The following CEP63 variants were observed in gnomAD, a reference collection of about 807,000 sequenced individuals.
The protein encoded by CEP63 is centrosomal protein 63, also known as centrosomal protein of 63 kDa.
A neutral mutation model predicts 89.1 loss-of-function variants in CEP63; 84 were observed. The observed-to-expected ratio is 0.94, with a 90% CI of 0.79 to 1.13. The LOEUF is 1.13. CEP63 is among the 50% of genes most tolerant of loss of function. CEP63 has a pLI of 0.00. For missense variants in CEP63, 838 were observed against 813.3 expected (o/e 1.03, Z -0.37); for synonymous variants, 267 against 272.5 (o/e 0.98, Z 0.20).
At chr3:134,558,998 G>T in intron 13 of CEP63, 152 bp from the exon 14 acceptor site, 1 of 728,044 alleles carries the variant, frequency 1.4e-6, no homozygotes. Flanking sequence ...CTGAATGAAT[G>T]AAAGAAATCT....
the CEP63 span, among the ~76,000 whole-genome samples, chr3:134,617,292 G>A: frequency 2.0e-5 from 3 of 152,220 alleles, no homozygotes; most frequent in Non-Finnish European, 4.4e-5. Context: ...ATGGAGCTAA[G>A]AGACTTGTGG....
intron 6 of CEP63, among the ~76,000 whole-genome samples, chr3:134,545,230 C>T (rs1274216628): frequency 6.6e-6 from 1 of 152,090 alleles, no homozygotes; most frequent in Non-Finnish European, 1.5e-5. Flanking sequence ...ATCTCCTGAC[C>T]TCATGATCCG....
chr3:134,604,480 G>A, the CEP63 span: 4 of 1,597,530 alleles, frequency 2.5e-6, no homozygotes, highest in Non-Finnish European at 3.4e-6. Context: ...ATTCACTGAG[G>A]AGAGAAAGTC....
chr3:134,660,141 G>A, the CEP63 span, among the ~76,000 whole-genome samples: 1 of 152,236 alleles, frequency 6.6e-6, no homozygotes, highest in Non-Finnish European at 1.5e-5. Context: ...TGAGGTCAGG[G>A]TGATTATGCA....
At chr3:134,661,106 A>G in the CEP63 span, among the ~76,000 whole-genome samples, 1 of 152,196 alleles carries the variant, frequency 6.6e-6, no homozygotes, top group Non-Finnish European at 1.5e-5. Flanking sequence ...TTGGGAGTGA[A>G]AACATTTTAG....
the CEP63 span, among the ~76,000 whole-genome samples, chr3:134,652,723 A>G: frequency 1.8e-4 from 27 of 152,174 alleles, no homozygotes; most frequent in Admixed American, 6.5e-4. Flanking sequence ...AGTAAGAACT[A>G]TGCATTATGC....
intron 3 of CEP63, chr3:134,510,581 C>T: frequency 3.4e-6 from 2 of 579,978 alleles, no homozygotes; most frequent in Non-Finnish European, 6.2e-6. Flanking sequence ...ATTTGGGGCA[C>T]AACTTACTGT....
chr3:134,554,769 T>C (rs1334076395), intron 12 of CEP63, among the ~76,000 whole-genome samples: 3 of 152,202 alleles, frequency 2.0e-5, no homozygotes, highest in Non-Finnish European at 2.9e-5. Context: ...TTTTAATGAC[T>C]GCCATTCTAA....
chr3:134,749,214 G>A, the CEP63 span, among the ~76,000 whole-genome samples: 1 of 152,214 alleles, frequency 6.6e-6, no homozygotes, highest in African/African-American at 2.4e-5. Context: ...AAATTGTTGG[G>A]CCTTCCCCAA....
the CEP63 span, among the ~76,000 whole-genome samples, chr3:134,646,375 G>A: frequency 4.6e-5 from 7 of 152,234 alleles, no homozygotes; most frequent in East Asian, 1.2e-3. Context: ...AAAGGCAGGG[G>A]ACACAGGAAG....
rs553720886 is a variant in CEP63 at position 134,582,227 on chromosome 3, C to T, written c.1207-5231C>T. ...TAAGTTCTAGGGTAGATGTGCACAA[C>T]GTGCAGATCTGCCACATAGGTATAC... is the stretch of plus-strand genomic sequence containing the variant. On this transcript the variant is annotated intron_variant, in intron 10 of 10. Coordinates refer to the CEP63 transcript ENST00000683931. Among the ~76,000 whole-genome samples, 80 of 152,104 alleles carry T rather than the reference C, an allele frequency of 5.3e-4. 1 individual carries two copies. The East Asian group carries it at 0.01, about 19-fold the overall frequency.
the CEP63 span, among the ~76,000 whole-genome samples, chr3:134,650,047 G>T: frequency 1.3e-5 from 2 of 152,178 alleles, no homozygotes; most frequent in African/African-American, 2.4e-5. Flanking sequence ...CTTTTCAGGG[G>T]CTTATTTAAC....
At chr3:134,651,145 C>G in the CEP63 span, 1 of 1,462,618 alleles carries the variant, frequency 6.8e-7, no homozygotes, top group Non-Finnish European at 9.0e-7. Flanking sequence ...CATTAGGGCC[C>G]GCCTGGGAGG....
chr3:134,593,942 C>G, the CEP63 span, among the ~76,000 whole-genome samples: 2 of 152,128 alleles, frequency 1.3e-5, no homozygotes, highest in Non-Finnish European at 2.9e-5. Context: ...TTCATGGTAC[C>G]CACACTTGCC....
the CEP63 span, among the ~76,000 whole-genome samples, chr3:134,722,383 G>A: frequency 6.6e-6 from 1 of 151,536 alleles, no homozygotes; most frequent in Admixed American, 6.6e-5. Flanking sequence ...TTTTACTTCT[G>A]TAAGTTGGTA....
chr3:134,558,263 C>A lies in CEP63; in HGVS notation c.1589C>A (p.Ser530Tyr), dbSNP rs756649368. 43 of 1,613,522 alleles carry A rather than the reference C, an allele frequency of 2.7e-5. No individual in the cohort carries two copies. The highest frequency in any genetic ancestry group is 3.6e-5 in the Non-Finnish European group (42 of 1,179,642). The change falls in exon 13 of 15, where the codon TCT becomes TAT. Residue 530 changes from serine (S) to tyrosine (Y), a missense_variant. Coordinates refer to ENST00000675561, the MANE Select transcript of CEP63 (RefSeq NM_001353108.3). ...AATACCAAATCTCAGCTGGAGATTTCTACTCAGATGTGCAAAAAACAAAAT... is the reference window on the plus strand; with the variant it reads ...AATACCAAATCTCAGCTGGAGATTTATACTCAGATGTGCAAAAAACAAAAT... ...LMNTKSQLEI[S>Y]TQMCKKQNDR...
intron 3 of CEP63, among the ~76,000 whole-genome samples, chr3:134,529,926 T>A (rs1356827287): frequency 7.1e-6 from 1 of 141,256 alleles, no homozygotes; most frequent in Non-Finnish European, 1.5e-5. Context: ...CAGGCTGGAG[T>A]GCAGTGGCAC....
intron 3 of CEP63, among the ~76,000 whole-genome samples, chr3:134,520,546 C>T (rs1947218826): frequency 6.6e-6 from 1 of 152,092 alleles, no homozygotes; most frequent in South Asian, 2.1e-4. Flanking sequence ...TGAAAATCAA[C>T]AAGGTTGATT....
rs115576720 is a variant in CEP63 at position 134,560,729 on chromosome 3, A to G, written c.1954-648A>G. 3.5e-3 allele frequency among the ~76,000 whole-genome samples: 527 copies of G among 152,040 alleles called. 7 individuals are homozygous for G. Among genetic ancestry groups the G allele is most frequent in the African/African-American group, 0.012 (507 of 41,514 alleles). ...TAGGATTATGCTCTCTGTGTGGGGT[A>G]TGTGTGTATGTGTGTGTGTGTGTAT... is the stretch of plus-strand genomic sequence containing the variant. On this transcript the variant is annotated intron_variant, in intron 14 of 14. Coordinates refer to ENST00000675561, the MANE Select transcript of CEP63 (RefSeq NM_001353108.3).
Sources: gnomAD v4.1 joint callset for allele counts (sites outside exome capture counted in the v4.1 genomes callset) on GRCh38, gnomAD v4.1.1 for gene constraint, MANE v1.5 for transcripts, NCBI Gene and HGNC (gene_info 2026-07-23, HGNC 2026-07-21) for gene names.